Variants in PLRG1 observed in about 807,000 individuals in gnomAD.
PLRG1 encodes the protein pleiotropic regulator 1, also known as pleiotropic regulator 1 (PRL1 homolog, Arabidopsis).
A neutral mutation model predicts 74.9 loss-of-function variants in PLRG1; 28 were observed. That is an observed-to-expected ratio of 0.37 (90% CI 0.28 to 0.51). The LOEUF (loss-of-function observed/expected upper bound fraction) is 0.51, where lower values mean the gene tolerates loss of function less well. PLRG1 is among the 20% of genes least tolerant of loss of function. PLRG1 has a pLI of 0.91. For missense variants in PLRG1, 445 were observed against 631.9 expected (o/e 0.70, Z 3.17); for synonymous variants, 197 against 212.4 (o/e 0.93, Z 0.63).
intron 11 of PLRG1, 128 bp downstream of exon 11, chr4:154,539,823 T>A: frequency 1.5e-6 from 1 of 670,284 alleles, no homozygotes; most frequent in Non-Finnish European, 2.7e-6. Context: ...TGTCCATGAT[T>A]AAAATATGAC....
intron 7 of PLRG1, among the ~76,000 whole-genome samples, chr4:154,542,510 C>T (rs1729572465): frequency 6.6e-6 from 1 of 152,146 alleles, no homozygotes; most frequent in Non-Finnish European, 1.5e-5. Flanking sequence ...ATTATTAATA[C>T]TTGCAACAAC....
Position 154,547,722 on chromosome 4 carries a change from G to C in PLRG1, c.248C>G (p.Pro83Arg), listed in dbSNP as rs758044183. The C allele has an allele frequency of 6.2e-7, 1 of 1,612,372 alleles. No homozygotes were observed. The highest frequency in any genetic ancestry group is 1.1e-5 in the South Asian group (1 of 90,814). The change falls in exon 3 of 15, where the codon CCT becomes CGT. Residue 83 changes from proline to arginine, a missense_variant. By Grantham distance (103) the Pro-to-Arg change is moderately radical. This residue lies in a region of PLRG1 where 206 missense variants were observed against 210.8 expected (regional missense o/e 0.98). Transcript: ENST00000499023. ...AATACCATACTCACCTTGATTGGCA[G>C]GGTACTGTTTATGAACATATGAATC... is the stretch of plus-strand genomic sequence containing the variant. ...ATDSYVHKQY[P>R]ANQGQEVEYF...
In PLRG1 at chr4:154,547,072, A is replaced by AAC. The variant is rs1729670908; in HGVS notation, c.260-10_260-9dup. On this transcript the variant is annotated splice_polypyrimidine_tract_variant and intron_variant, in intron 3 of 14. Transcript: ENST00000499023. ...AGTATTCAACTTCTTGTCCTAAAAA[A>AAC]ACACAAAAAAAATCAACAGTAGTGA... 2 of 1,607,722 alleles carry AAC rather than the reference A, an allele frequency of 1.2e-6. No homozygotes were observed. The highest frequency in any genetic ancestry group is 1.7e-6 in the Non-Finnish European group (2 of 1,174,220).
At position 154,536,369 on chromosome 4, in the gene PLRG1, C is replaced by A. The variant is rs556669848; in HGVS notation, c.*316G>T. 2.0e-4 allele frequency: 39 copies of A among 191,334 alleles called. 1 individual carries two copies. The South Asian group carries it at 6.3e-3, about 31-fold the overall frequency. 11.9% of individuals were successfully genotyped at this position (191,334 alleles called of 1,614,324 possible). A position where few individuals can be genotyped will look rare whatever the true frequency, so the allele number is the denominator to read the frequency against. ...AAATGTCCTAATTATCGGTTTCATA[C>A]ATTTTTTTTAAAAAAGGGGGTTTTC... On this transcript the variant is annotated 3_prime_UTR_variant, in exon 15 of 15. Transcript: ENST00000499023.
intron 10 of PLRG1, 140 bp downstream of exon 10, chr4:154,540,454 A>G (rs1288092413): frequency 2.2e-5 from 14 of 641,104 alleles, no homozygotes; most frequent in Non-Finnish European, 3.6e-5. Flanking sequence ...GCAAGTTAAG[A>G]AACTTAGGGA....
chr4:154,544,339 C>T (rs190643116), intron 7 of PLRG1, 106 bp downstream of exon 7: 33 of 709,118 alleles, frequency 4.7e-5, no homozygotes, highest in South Asian at 4.2e-4. Flanking sequence ...GATCGCTCTA[C>T]CAGCTTTTCA....
At position 154,540,871 on chromosome 4, in the gene PLRG1, C is replaced by A. The variant is rs142060750; in HGVS notation, c.751G>T (p.Gly251Cys). Residue 251 changes from glycine (G) to cysteine (C), a missense_variant, in exon 9 of 15, where the codon GGC becomes TGC. Around this residue, in one of 3 missense-constraint regions of PLRG1, gnomAD observed 221 missense variants for 377.7 expected, o/e 0.59. Coordinates refer to ENST00000499023, the MANE Select transcript of PLRG1 (RefSeq NM_002669.4). ...SLTGHISTVR[G>C]VIVSTRSPYL... ...GGGCTCCTTGTGCTTACTATCACGC[C>A]CCGCACAGTACTAATATGCCCAGTC... 6.2e-6 allele frequency: 10 copies of A among 1,612,942 alleles called. No homozygotes were observed. The African/African-American group carries it at 1.3e-4, about 22-fold the overall frequency.
intron 4 of PLRG1, chr4:154,546,691 C>T: frequency 7.8e-6 from 3 of 383,502 alleles, no homozygotes; most frequent in Non-Finnish European, 1.4e-5. Flanking sequence ...TCAGATACTG[C>T]TTCTAACATT....
chr4:154,546,161 A>T lies in PLRG1; in HGVS notation c.366T>A (p.Ala122=). 6.2e-7 allele frequency: 1 copy of T among 1,609,496 alleles called. No individual in the cohort carries two copies. Among genetic ancestry groups the T allele is most frequent in the Non-Finnish European group, 8.5e-7 (1 of 1,175,810 alleles). Residue 122 remains alanine, a synonymous_variant, in exon 5 of 15, where the codon GCT becomes GCA. Transcript: ENST00000499023. ...TKIQRMPSES[A]AQSLAVALPL... ...GTAATGCCACCGCTAAGGACTGTGC[A>T]GCTGATTCACTTGGCATTCTCTGGA...
At chr4:154,541,849 T>G (rs1408312861) in intron 8 of PLRG1, 1 of 206,490 alleles carries the variant, frequency 4.8e-6, no homozygotes, top group African/African-American at 2.3e-5. Context: ...ATGGTAGGAT[T>G]ATATACAGGT....
intron 2 of PLRG1, among the ~76,000 whole-genome samples, chr4:154,548,571 T>C (rs541141830): frequency 3.0e-4 from 46 of 152,262 alleles, no homozygotes; most frequent in African/African-American, 1.1e-3. Flanking sequence ...TACAAAGTGA[T>C]TGATTATAAA....
At chr4:154,549,982 C>T (rs548890865) in intron 1 of PLRG1, among the ~76,000 whole-genome samples, 118 of 152,308 alleles carry the variant, frequency 7.7e-4, no homozygotes, top group African/African-American at 2.7e-3. Context: ...GACACTGCCC[C>T]GAGGGCGGCA....
chr4:154,540,198 T>C (rs973191840), intron 10 of PLRG1, 145 bp from the exon 11 acceptor site: 7 of 605,500 alleles, frequency 1.2e-5, no homozygotes, highest in African/African-American at 9.3e-5. Flanking sequence ...AAGATAATGA[T>C]TTACAAACTG....
intron 11 of PLRG1, 84 bp from the exon 12 acceptor site, chr4:154,539,297 A>G: frequency 1.2e-6 from 1 of 858,086 alleles, no homozygotes; most frequent in Admixed American, 1.8e-5. Context: ...GCATTCTTCC[A>G]AAACACATAT....
chr4:154,538,024 A>C lies in PLRG1; in HGVS notation c.1236T>G (p.His412Gln). The C allele has an allele frequency of 6.4e-7, 1 of 1,559,588 alleles. No individual in the cohort carries two copies. Among genetic ancestry groups the C allele is most frequent in the Non-Finnish European group, 8.8e-7 (1 of 1,140,960 alleles). ...DGSFIQNLSG[H>Q]NAIINTLTVN... ...CCGTCAATGTGTTAATAATAGCATT[A>C]TGACCGGAAAGATTTTGAATGAAAC... Residue 412 changes from histidine (H) to glutamine (Q), a missense_variant, in exon 13 of 15, where the codon CAT (histidine) becomes CAG (glutamine). By Grantham distance (24) the His-to-Gln change is conservative. Around this residue, in one of 3 missense-constraint regions of PLRG1, gnomAD observed 221 missense variants for 377.7 expected, o/e 0.59. Coordinates refer to ENST00000499023, the MANE Select transcript of PLRG1 (RefSeq NM_002669.4).
At chr4:154,537,649 G>A in intron 13 of PLRG1, 170 bp from the exon 14 acceptor site, 1 of 550,456 alleles carries the variant, frequency 1.8e-6, no homozygotes, top group South Asian at 2.8e-5. Context: ...CATTTGGGCT[G>A]GGTTCAGAAC....
chr4:154,537,906 T>G, intron 13 of PLRG1, 63 bp downstream of exon 13: 2 of 945,720 alleles, frequency 2.1e-6, no homozygotes, highest in Admixed American at 4.8e-5. Context: ...TTACAAATGT[T>G]TATTCATCAT....
At position 154,538,031 on chromosome 4, in the gene PLRG1, G is replaced by C. The variant is rs780301404; in HGVS notation, c.1229C>G (p.Ser410Cys). The change falls in exon 13 of 15, where the codon TCC (serine) becomes TGC (cysteine). Residue 410 changes from serine (S) to cysteine (C), a missense_variant. Around this residue, in one of 3 missense-constraint regions of PLRG1, gnomAD observed 221 missense variants for 377.7 expected, o/e 0.59. Coordinates refer to ENST00000499023, the MANE Select transcript of PLRG1 (RefSeq NM_002669.4). ...TGTGTTAATAATAGCATTATGACCG[G>C]AAAGATTTTGAATGAAACTTCCATC... ...FPDGSFIQNL[S>C]GHNAIINTLT... 1.3e-6 allele frequency: 2 copies of C among 1,551,642 alleles called. No homozygotes were observed. The highest frequency in any genetic ancestry group is 2.7e-5 in the African/African-American group (2 of 73,730).
Position 154,535,858 on chromosome 4 carries a change from T to C in PLRG1, c.*827A>G, listed in dbSNP as rs1729437520. 1 of 145,824 alleles carries C rather than the reference T, an allele frequency of 6.9e-6. No homozygotes were observed. The highest frequency in any genetic ancestry group is 7.1e-5 in the Admixed American group (1 of 14,172). The allele number at this position is 145,824 out of a possible 1,614,324, so 9.0% of individuals were successfully genotyped here. A position where few individuals can be genotyped will look rare whatever the true frequency, so the allele number is the denominator to read the frequency against. On this transcript the variant is annotated 3_prime_UTR_variant, in exon 15 of 15. Coordinates refer to ENST00000499023, the MANE Select transcript of PLRG1 (RefSeq NM_002669.4). Reference sequence around the variant, plus strand: ...CTAGTTGAGGAATAAAATCCATACTTATATGAGCTTTCCCCAGAACAAGCC... The same window carrying C: ...CTAGTTGAGGAATAAAATCCATACTCATATGAGCTTTCCCCAGAACAAGCC...
Sources: allele counts gnomAD v4.1 joint callset (sites outside exome capture counted in the v4.1 genomes callset), GRCh38; gene constraint gnomAD v4.1.1; regional missense constraint gnomAD v4.1.1; transcripts MANE v1.5; gene names NCBI Gene and HGNC (gene_info 2026-07-23, HGNC 2026-07-21).